The following TPCN2 variants were observed in gnomAD, a reference collection of about 807,000 sequenced individuals.
TPCN2 encodes two pore channel protein 2.
A neutral mutation model predicts 111.4 loss-of-function variants in TPCN2; 92 were observed. The ratio of observed to expected loss-of-function variants is 0.83; its 90% CI spans 0.70 to 0.98. TPCN2 has a LOEUF of 0.98. Among genes scored for constraint, TPCN2 ranks in the 50% least tolerant of loss-of-function variants. The probability of loss-of-function intolerance (pLI) is 0.00; values close to 1 mark genes in which losing one functional copy is unlikely to be tolerated. For synonymous variants in TPCN2, 405 were observed against 414.5 expected (o/e 0.98, Z 0.28); for missense variants, 995 against 980.1 (o/e 1.02, Z -0.20).
chr11:69,084,274 CTGTT>C (rs1205837036), intron 19 of TPCN2, among the ~76,000 whole-genome samples: 3 of 152,166 alleles, frequency 2.0e-5, no homozygotes, highest in African/African-American at 4.8e-5. Flanking sequence ...ATGGCAGAGA[CTGTT>C]TGGTAATTTT....
chr11:69,067,795 T>G (rs1262771387), intron 8 of TPCN2, among the ~76,000 whole-genome samples, 190 bp downstream of exon 8: 1 of 152,180 alleles, frequency 6.6e-6, no homozygotes, highest in East Asian at 1.9e-4. Context: ...TTGGTTTTCT[T>G]CTCCCTCTCT....
chr11:69,049,296 C>T (rs936500828), intron 1 of TPCN2, among the ~76,000 whole-genome samples, 190 bp downstream of exon 1: 2 of 152,288 alleles, frequency 1.3e-5, no homozygotes, highest in African/African-American at 4.8e-5. Context: ...TCCTGCGGAC[C>T]CGGACCGGGG....
chr11:69,054,930 C>A (rs1854688228), intron 3 of TPCN2, 133 bp downstream of exon 3: 3 of 952,062 alleles, frequency 3.2e-6, no homozygotes, highest in African/African-American at 3.3e-5. Context: ...CGGTTACCAT[C>A]ATCCTCTCTG....
intron 24 of TPCN2, 33 bp downstream of exon 24, chr11:69,087,239 C>A (rs371343687): frequency 6.2e-7 from 1 of 1,600,496 alleles, no homozygotes; most frequent in Admixed American, 1.7e-5. Context: ...TCTGTCTGGC[C>A]CCCTGGGATG....
In TPCN2 at chr11:69,090,081, G is replaced by A. The variant is rs919712114; in HGVS notation, c.*2128G>A. 6.6e-6 allele frequency: 1 copy of A among 152,174 alleles called. No homozygotes were observed. The highest frequency in any genetic ancestry group is 1.5e-5 in the Non-Finnish European group (1 of 68,050). 9.4% of individuals were successfully genotyped at this position (152,174 alleles called of 1,614,324 possible). ...TCTTTTGAATGGAGAGTAGCATCAG[G>A]AACCAGGATGTGGGTGCGAGGCGTG... On this transcript the variant is annotated 3_prime_UTR_variant, in exon 25 of 25. Coordinates refer to ENST00000294309, the MANE Select transcript of TPCN2 (RefSeq NM_139075.4).
intron 18 of TPCN2, chr11:69,083,372 G>A (rs1856128082): frequency 6.4e-6 from 1 of 157,296 alleles, no homozygotes. Context: ...GATTCCTCAG[G>A]TGGGTTGATG....
intron 18 of TPCN2, 137 bp from the exon 19 acceptor site, chr11:69,083,808 C>T (rs1856149067): frequency 2.7e-6 from 2 of 731,158 alleles, no homozygotes; most frequent in East Asian, 5.4e-5. Flanking sequence ...GCTGTGGGTC[C>T]AGGTGTGTGT....
intron 16 of TPCN2, 60 bp from the exon 17 acceptor site, chr11:69,079,774 T>C: frequency 6.6e-7 from 1 of 1,523,808 alleles, no homozygotes; most frequent in Non-Finnish European, 9.0e-7. Flanking sequence ...AATAATTCCT[T>C]TAAGGGCCGC....
At chr11:69,062,811 C>A in intron 5 of TPCN2, 73 bp from the exon 6 acceptor site, 2 of 1,414,198 alleles carry the variant, frequency 1.4e-6, no homozygotes, top group Non-Finnish European at 1.0e-6. Flanking sequence ...GAACCGTGTG[C>A]CCATCTGGGA....
intron 10 of TPCN2, 92 bp from the exon 11 acceptor site, chr11:69,071,831 C>G: frequency 8.2e-7 from 1 of 1,219,420 alleles, no homozygotes; most frequent in Non-Finnish European, 1.2e-6. Flanking sequence ...TGCCCAGACT[C>G]CCCCTCTGCC....
In TPCN2 at chr11:69,089,320, G is replaced by A. The variant is rs1039693253; in HGVS notation, c.*1367G>A. 3 of 152,276 alleles carry A rather than the reference G, an allele frequency of 2.0e-5. No homozygotes were observed. Among genetic ancestry groups the A allele is most frequent in the Non-Finnish European group, 2.9e-5 (2 of 68,058 alleles). The allele number at this position is 152,276 out of a possible 1,614,324, so 9.4% of individuals were successfully genotyped here. On this transcript the variant is annotated 3_prime_UTR_variant, in exon 25 of 25. Transcript: ENST00000294309. ...AAAGTTGTAAGCACAGTAAAGAGAA[G>A]CTTCCTTCTGAGTCACTTGAGTGGT...
At chr11:69,085,343 G>GGGGGGGGGGGGGGA in intron 20 of TPCN2, 57 bp downstream of exon 20, 3 of 581,866 alleles carry the variant, frequency 5.2e-6, no homozygotes, top group Non-Finnish European at 6.8e-6. Context: ...GGGTGGGCGG[G>GGGGGGGGGGGGGGA]AAGCCTTGGC....
chr11:69,075,889 G>A (rs532349286), intron 13 of TPCN2, among the ~76,000 whole-genome samples: 7 of 152,288 alleles, frequency 4.6e-5, no homozygotes, highest in Admixed American at 1.3e-4. Context: ...TCCACCTCAC[G>A]GGCTTTCTAC....
intron 19 of TPCN2, 125 bp downstream of exon 19, chr11:69,084,141 A>C: frequency 2.1e-6 from 2 of 950,310 alleles, no homozygotes; most frequent in South Asian, 1.4e-5. Context: ...TTCGGACGGC[A>C]GCAGGTTCCT....
chr11:69,076,538 G>GCCTGCCCTCCTGCTCTGTCCCTCCA (rs879893085), intron 13 of TPCN2, among the ~76,000 whole-genome samples: 1 of 145,496 alleles, frequency 6.9e-6, no homozygotes, highest in African/African-American at 2.5e-5. Context: ...CGCAGGGGAG[G>GCCTGCCCTCCTGCTCTGTCCCTCCA]CCTGCCCTCC....
intron 13 of TPCN2, among the ~76,000 whole-genome samples, chr11:69,077,600 C>T (rs1462997830): frequency 6.6e-6 from 1 of 152,246 alleles, no homozygotes; most frequent in East Asian, 1.9e-4. Flanking sequence ...GTTTTCCTTC[C>T]AGACTTTTCC....
Position 69,049,024 on chromosome 11 carries a change from G to T in TPCN2, c.27G>T (p.Glu9Asp), listed in dbSNP as rs1213907599. Residue 9 changes from glutamate (E) to aspartate (D), a missense_variant, in exon 1 of 25, where the codon GAG (glutamate) becomes GAT (aspartate). By Grantham distance (45) the Glu-to-Asp change is conservative. Transcript: ENST00000294309. MAEPQAES[E>D]PLLGGARGGG... Reference sequence around the variant, plus strand: ...TGGCGGAACCCCAGGCGGAGTCGGAGCCCCTGCTGGGCGGGGCCCGCGGCG... The same window carrying T: ...TGGCGGAACCCCAGGCGGAGTCGGATCCCCTGCTGGGCGGGGCCCGCGGCG... 9 of 1,240,776 alleles carry T rather than the reference G, an allele frequency of 7.3e-6. No homozygotes were observed. The highest frequency in any genetic ancestry group is 9.1e-6 in the Non-Finnish European group (9 of 988,300). The allele number at this position is 1,240,776 out of a possible 1,614,324, so 76.9% of individuals were successfully genotyped here.
At chr11:69,062,158 T>C (rs1044662907) in intron 5 of TPCN2, among the ~76,000 whole-genome samples, 1 of 151,892 alleles carries the variant, frequency 6.6e-6, no homozygotes, top group Non-Finnish European at 1.5e-5. Flanking sequence ...GCCCCCAGAC[T>C]CCTTTTAAAA....
At chr11:69,078,444 C>T (rs373704126) in intron 13 of TPCN2, 38 bp from the exon 14 acceptor site, 1 of 1,610,750 alleles carries the variant, frequency 6.2e-7, no homozygotes, top group African/African-American at 1.3e-5. Context: ...GCCACGGCTG[C>T]TGGCCTGTGC....
Sources: gnomAD v4.1 joint callset for allele counts (sites outside exome capture counted in the v4.1 genomes callset) on GRCh38, gnomAD v4.1.1 for gene constraint, MANE v1.5 for transcripts, NCBI Gene and HGNC (gene_info 2026-07-23, HGNC 2026-07-21) for gene names.